XIRP2: variants seen among roughly 807,000 people sequenced by gnomAD.
The protein encoded by XIRP2 is xin actin binding repeat containing 2, also known as xin actin-binding repeat-containing protein 2.
A neutral mutation model predicts 277.0 loss-of-function variants in XIRP2; 236 were observed. That is an observed-to-expected ratio of 0.85 (90% CI 0.77 to 0.95). The LOEUF is 0.95. Ranked by LOEUF, XIRP2 falls within the 40% of genes least tolerant of loss-of-function variation. The pLI, the probability that XIRP2 is intolerant of heterozygous loss-of-function variation, is 0.00. For missense variants in XIRP2, 4,640 were observed against 4,157.5 expected (o/e 1.12, Z -3.19); for synonymous variants, 1,490 against 1,416.5 (o/e 1.05, Z -1.17).
chr2:166,898,918 A>T (rs1213932482), intron 1 of XIRP2, among the ~76,000 whole-genome samples: 2 of 152,092 alleles, frequency 1.3e-5, no homozygotes, highest in African/African-American at 4.8e-5. Context: ...TTAGAATAGC[A>T]CCCTTACATG....
chr2:167,147,287 G>T (rs1241791010), intron 3 of XIRP2, among the ~76,000 whole-genome samples: 1 of 152,140 alleles, frequency 6.6e-6, no homozygotes, highest in Non-Finnish European at 1.5e-5. Context: ...AGCAGGCTTG[G>T]GATGTGCAAA....
At chr2:167,196,412 TTGTGTGTGTG>T (rs71031280) in intron 3 of XIRP2, among the ~76,000 whole-genome samples, 168 of 141,890 alleles carry the variant, frequency 1.2e-3, no homozygotes, top group African/African-American at 3.6e-3. Flanking sequence ...GTCAAGAATT[TTGTGTGTGTG>T]TGTGTGTGTG....
At position 167,248,420 on chromosome 2, in the gene XIRP2, G is replaced by T. The variant is rs183141849; in HGVS notation, c.7028G>T (p.Gly2343Val). The change falls in exon 9 of 11, where the codon GGC becomes GTC. Residue 2343 changes from glycine to valine, a missense_variant. Gly to Val is a moderately radical substitution (Grantham distance 109). Coordinates refer to ENST00000409195, the MANE Select transcript of XIRP2 (RefSeq NM_152381.6). ...AAGGCTGAATTTGAAAGTTTTCCAG[G>T]CCTCCCTCTTCCTCCACCTCCAGTA... ...KIKAEFESFP[G>V]LPLPPPPVDE... 6.2e-7 allele frequency: 1 copy of T among 1,613,350 alleles called. No homozygotes were observed. The highest frequency in any genetic ancestry group is 8.5e-7 in the Non-Finnish European group (1 of 1,179,776).
rs756826213 is a variant in XIRP2, at chr2:167,250,228, G to GA, written c.8838dup (p.Phe2947IlefsTer6). 9 of 1,613,286 alleles carry GA rather than the reference G, an allele frequency of 5.6e-6. No homozygotes were observed. The highest frequency in any genetic ancestry group is 7.6e-6 in the Non-Finnish European group (9 of 1,179,662). On this transcript the variant is annotated frameshift_variant, in exon 9 of 11. Transcript: ENST00000409195. LOFTEE classifies it high-confidence loss of function. ...TGGAAAAGGTGCCTTAAATATAGTG[G>GA]AATTCTTGAGAAAACGTGAAGAACT...
At chr2:166,947,702 T>G (rs1685914589) in intron 2 of XIRP2, among the ~76,000 whole-genome samples, 1 of 152,126 alleles carries the variant, frequency 6.6e-6, no homozygotes, top group African/African-American at 2.4e-5. Context: ...TTTGGTGGTT[T>G]CTTACAAAAC....
At chr2:167,204,315 T>C (rs1170244553) in intron 3 of XIRP2, among the ~76,000 whole-genome samples, 1 of 152,254 alleles carries the variant, frequency 6.6e-6, no homozygotes, top group Non-Finnish European at 1.5e-5. Flanking sequence ...GTATATGCAG[T>C]ATGAGTCAGT....
chr2:167,235,350 A>T (rs1161463113), intron 5 of XIRP2, among the ~76,000 whole-genome samples: 2 of 151,944 alleles, frequency 1.3e-5, no homozygotes, highest in African/African-American at 2.4e-5. Flanking sequence ...AACCAAAATG[A>T]CAACAACAAA....
At chr2:166,939,473 G>T (rs902530431) in intron 2 of XIRP2, among the ~76,000 whole-genome samples, 1 of 151,830 alleles carries the variant, frequency 6.6e-6, no homozygotes, top group Non-Finnish European at 1.5e-5. Flanking sequence ...AAGGTCAGGA[G>T]ATCAAGACCA....
intron 2 of XIRP2, among the ~76,000 whole-genome samples, chr2:167,051,399 T>C (rs1247837794): frequency 6.6e-6 from 1 of 152,142 alleles, no homozygotes; most frequent in Non-Finnish European, 1.5e-5. Flanking sequence ...ATAATACTAT[T>C]CAACAAATAA....
chr2:167,086,064 T>C (rs903263754), intron 2 of XIRP2, among the ~76,000 whole-genome samples: 7 of 152,150 alleles, frequency 4.6e-5, no homozygotes, highest in Non-Finnish European at 7.4e-5. Context: ...TTGGCATGAT[T>C]TTGCAGCAGC....
At chr2:167,237,062 C>A (rs534130813) in intron 5 of XIRP2, among the ~76,000 whole-genome samples, 23 of 152,144 alleles carry the variant, frequency 1.5e-4, no homozygotes, top group African/African-American at 5.1e-4. Flanking sequence ...TGCTAACATA[C>A]CAAACTAGTA....
At chr2:167,155,365 G>A (rs1434048208) in intron 3 of XIRP2, among the ~76,000 whole-genome samples, 9 of 151,652 alleles carry the variant, frequency 5.9e-5, no homozygotes, top group East Asian at 1.9e-4. Flanking sequence ...CTGGCAAACC[G>A]AATCCAGCAG....
chr2:166,980,093 G>A (rs1395878980), intron 2 of XIRP2, among the ~76,000 whole-genome samples: 3 of 151,984 alleles, frequency 2.0e-5, no homozygotes, highest in South Asian at 4.1e-4. Context: ...TGTCTTTCAA[G>A]AAATTTAGCC....
intron 2 of XIRP2, among the ~76,000 whole-genome samples, chr2:166,954,089 G>T (rs970729088): frequency 3.3e-5 from 5 of 151,388 alleles, no homozygotes; most frequent in Non-Finnish European, 7.4e-5. Context: ...ACCCTACTGG[G>T]TGTGTGTGTG....
chr2:167,064,376 A>C lies in XIRP2; in HGVS notation c.409-71533A>C, dbSNP rs191472193. Among the ~76,000 whole-genome samples the C allele has an allele frequency of 2.5e-3, 385 of 152,042 alleles. 1 individual carries two copies. The highest frequency in any genetic ancestry group is 0.01 in the Middle Eastern group (3 of 294). ...ATTATATGCCGCATAAGAATTTTAT[A>C]GCGCATACTTCTATTTATTTAATCC... On this transcript the variant is annotated intron_variant, in intron 2 of 10. Transcript: ENST00000409195.
At chr2:167,038,934 T>A (rs950090986) in intron 2 of XIRP2, among the ~76,000 whole-genome samples, 1 of 152,146 alleles carries the variant, frequency 6.6e-6, no homozygotes, top group Non-Finnish European at 1.5e-5. Context: ...ATCTACTAAT[T>A]TGTGTGATCA....
chr2:167,257,830 G>T, intron 10 of XIRP2, 27 bp from the exon 11 acceptor site: 1 of 1,567,340 alleles, frequency 6.4e-7, no homozygotes, highest in Non-Finnish European at 8.6e-7. Flanking sequence ...AATACGAACT[G>T]CTAAGTGTTC....
chr2:167,098,486 T>A (rs1690385726), intron 2 of XIRP2, among the ~76,000 whole-genome samples: 1 of 152,246 alleles, frequency 6.6e-6, no homozygotes. Flanking sequence ...TGCATTGGGT[T>A]AGAACATGCT....
intron 2 of XIRP2, among the ~76,000 whole-genome samples, chr2:167,070,090 C>T (rs1308702957): frequency 6.6e-6 from 1 of 151,954 alleles, no homozygotes; most frequent in Non-Finnish European, 1.5e-5. Context: ...GCTCCAAACA[C>T]TCTCTCAAGG....
Sources: allele counts gnomAD v4.1 joint callset (sites outside exome capture counted in the v4.1 genomes callset), GRCh38; gene constraint gnomAD v4.1.1; transcripts MANE v1.5; gene names NCBI Gene and HGNC (gene_info 2026-07-23, HGNC 2026-07-21).